The following RB1CC1 variants were observed in gnomAD, a reference collection of about 807,000 sequenced individuals.
RB1CC1 encodes the protein RB1-inducible coiled-coil protein 1.
Under a neutral mutation model 177.5 loss-of-function variants are expected in RB1CC1, and 46 were observed. That is an observed-to-expected ratio of 0.26 (90% CI 0.20 to 0.33). RB1CC1 has a LOEUF of 0.33. RB1CC1 is among the 10% of genes least tolerant of loss of function. The pLI, the probability that RB1CC1 is intolerant of heterozygous loss-of-function variation, is 1.00. For missense variants in RB1CC1, 1,703 were observed against 1,816.3 expected (o/e 0.94, Z 1.13); for synonymous variants, 666 against 613.6 (o/e 1.09, Z -1.26).
At chr8:52,681,960 C>G (rs1439377986) in intron 5 of RB1CC1, among the ~76,000 whole-genome samples, 1 of 152,218 alleles carries the variant, frequency 6.6e-6, no homozygotes, top group Non-Finnish European at 1.5e-5. Context: ...AGAGTCCCTA[C>G]TGGGGGCACT....
intron 22 of RB1CC1, among the ~76,000 whole-genome samples, chr8:52,626,804 T>C (rs1007373325): frequency 1.4e-4 from 3 of 21,510 alleles, no homozygotes; most frequent in South Asian, 2.6e-3. Flanking sequence ...ATAGCCATGA[T>C]GGAGTTGTCA....
intron 1 of RB1CC1, among the ~76,000 whole-genome samples, chr8:52,704,720 C>T (rs981531944): frequency 3.9e-5 from 6 of 152,194 alleles, no homozygotes; most frequent in African/African-American, 1.4e-4. Flanking sequence ...TGATCTAGAA[C>T]TAAAGTTATT....
At chr8:52,704,444 A>T (rs1856376188) in intron 1 of RB1CC1, among the ~76,000 whole-genome samples, 1 of 139,112 alleles carries the variant, frequency 7.2e-6, no homozygotes, top group Non-Finnish European at 1.6e-5. Flanking sequence ...GAATTCACAC[A>T]AAGGTGACAT....
intron 5 of RB1CC1, among the ~76,000 whole-genome samples, chr8:52,678,724 A>G (rs1853393855): frequency 6.6e-6 from 1 of 152,246 alleles, no homozygotes; most frequent in Non-Finnish European, 1.5e-5. Flanking sequence ...TTAGGTGAAA[A>G]GAAATATCTT....
chr8:52,639,790 G>A (rs1249142633), intron 18 of RB1CC1, among the ~76,000 whole-genome samples: 1 of 152,014 alleles, frequency 6.6e-6, no homozygotes, highest in Non-Finnish European at 1.5e-5. Flanking sequence ...TATTACTCTG[G>A]CATTCCTAAA....
chr8:52,697,965 C>T (rs1448063733), intron 1 of RB1CC1, among the ~76,000 whole-genome samples: 1 of 152,194 alleles, frequency 6.6e-6, no homozygotes. Context: ...AAAGCATACA[C>T]AAGACACTTT....
chr8:52,672,839 T>A (rs112929300), intron 7 of RB1CC1, among the ~76,000 whole-genome samples: 25 of 152,318 alleles, frequency 1.6e-4, no homozygotes, highest in East Asian at 7.7e-4. Flanking sequence ...GGCCACTACA[T>A]TGTCAATAGT....
At chr8:52,649,148 CTG>C (rs1035987337) in intron 15 of RB1CC1, among the ~76,000 whole-genome samples, 39 of 152,170 alleles carry the variant, frequency 2.6e-4, no homozygotes, top group African/African-American at 9.2e-4. Flanking sequence ...GAGGGAATGA[CTG>C]TATTTAATCT....
Position 52,685,370 on chromosome 8 carries a change from G to A in RB1CC1, c.71+29C>T, listed in dbSNP as rs764369011. ...AACTTTCTGCATGCAGACAGAATGC[G>A]AAAAAAAAATAAATGAAATACAACT... is the stretch of plus-strand genomic sequence containing the variant. On this transcript the variant is annotated intron_variant, in intron 3 of 23. Coordinates refer to ENST00000025008, the MANE Select transcript of RB1CC1 (RefSeq NM_014781.5). 6.2e-5 allele frequency: 90 copies of A among 1,453,336 alleles called. No individual in the cohort carries two copies. In the South Asian group the frequency reaches 7.7e-4, roughly 12 times the overall value. The allele number at this position is 1,453,336 out of a possible 1,614,324, so 90.0% of individuals were successfully genotyped here. A position where few individuals can be genotyped will look rare whatever the true frequency, so the allele number is the denominator to read the frequency against.
Position 52,642,878 on chromosome 8 carries a change from C to T in RB1CC1, c.3988-66G>A, listed in dbSNP as rs928580792. 6.5e-6 allele frequency: 9 copies of T among 1,379,852 alleles called. No individual in the cohort carries two copies. The African/African-American group carries it at 1.3e-4, about 20-fold the overall frequency. The allele number at this position is 1,379,852 out of a possible 1,614,324, so 85.5% of individuals were successfully genotyped here. A position where few individuals can be genotyped will look rare whatever the true frequency, so the allele number is the denominator to read the frequency against. On this transcript the variant is annotated intron_variant, in intron 16 of 23. Coordinates refer to ENST00000025008, the MANE Select transcript of RB1CC1 (RefSeq NM_014781.5). ...CTTAGCAGCTAGGACTTAGAAAATA[C>T]ACTTGCAAATATTCTTTTCTGTGGC...
At position 52,714,315 on chromosome 8, in the gene RB1CC1, G is replaced by T. The variant is rs867415018; in HGVS notation, c.-407C>A. The T allele has an allele frequency of 1.9e-5, 3 of 159,700 alleles. No individual in the cohort carries two copies. The highest frequency in any genetic ancestry group is 1.3e-4 in the South Asian group (1 of 7,418). The allele number at this position is 159,700 out of a possible 1,614,324, so 9.9% of individuals were successfully genotyped here. A position where few individuals can be genotyped will look rare whatever the true frequency, so the allele number is the denominator to read the frequency against. ...CTCGGCTCTGGGTCTGGGGCCGGGG[G>T]ACAGAAGGCCGCGGCCTGTCAGAGC... is the stretch of plus-strand genomic sequence containing the variant. On this transcript the variant is annotated 5_prime_UTR_variant, in exon 1 of 24. Coordinates refer to ENST00000025008, the MANE Select transcript of RB1CC1 (RefSeq NM_014781.5).
chr8:52,645,561 G>A (rs1415094733), intron 16 of RB1CC1, 141 bp downstream of exon 16: 3 of 890,854 alleles, frequency 3.4e-6, no homozygotes, highest in Non-Finnish European at 4.8e-6. Context: ...CTTTTGTCAA[G>A]AGGAAATTTA....
At chr8:52,640,787 T>G (rs1849508065) in intron 18 of RB1CC1, among the ~76,000 whole-genome samples, 1 of 152,226 alleles carries the variant, frequency 6.6e-6, no homozygotes, top group Non-Finnish European at 1.5e-5. Flanking sequence ...CTTTTTTGAA[T>G]TACTTTTTTT....
At chr8:52,713,923 G>A (rs1857277502) in intron 1 of RB1CC1, among the ~76,000 whole-genome samples, 152 bp downstream of exon 1, 1 of 152,000 alleles carries the variant, frequency 6.6e-6, no homozygotes. Flanking sequence ...GGCGGGAGGC[G>A]CCGGGGCCCT....
intron 15 of RB1CC1, among the ~76,000 whole-genome samples, chr8:52,646,314 AAAC>A (rs1177071466): frequency 6.6e-6 from 1 of 151,984 alleles, no homozygotes; most frequent in Non-Finnish European, 1.5e-5. Flanking sequence ...ACAAACAAAC[AAAC>A]AACAAAAAAA....
chr8:52,629,553 AG>A lies in RB1CC1; in HGVS notation c.4499+916del, dbSNP rs377391448. On this transcript the variant is annotated intron_variant, in intron 21 of 23. Transcript: ENST00000025008. Reference sequence around the variant, plus strand: ...ACCGGTTCAGGCCATGACAAAAGGCAGGGGTTGGACTTGCCTCATCATGTCC... The same window carrying A: ...ACCGGTTCAGGCCATGACAAAAGGCAGGGTTGGACTTGCCTCATCATGTCC... Among the ~76,000 whole-genome samples, 855 of 152,300 alleles carry A rather than the reference AG, an allele frequency of 5.6e-3. 6 individuals are homozygous for A. The highest frequency in any genetic ancestry group is 0.02 in the African/African-American group (820 of 41,576).
intron 21 of RB1CC1, among the ~76,000 whole-genome samples, chr8:52,629,017 G>A (rs965144777): frequency 1.3e-5 from 2 of 152,098 alleles, no homozygotes; most frequent in Non-Finnish European, 2.9e-5. Flanking sequence ...TGGGAAATGG[G>A]GCCTCTATGA....
chr8:52,665,733 T>G (rs1297914398), intron 8 of RB1CC1, among the ~76,000 whole-genome samples: 1 of 151,934 alleles, frequency 6.6e-6, no homozygotes, highest in African/African-American at 2.4e-5. Flanking sequence ...CCAGGCACAG[T>G]GAAAGGGCTA....
intron 1 of RB1CC1, among the ~76,000 whole-genome samples, chr8:52,713,771 C>A (rs1176070307): frequency 2.6e-5 from 4 of 152,254 alleles, no homozygotes; most frequent in Non-Finnish European, 5.9e-5. Context: ...TCCCAAGGCT[C>A]CGGCCGAGGA....
Sources: gnomAD v4.1 joint callset for allele counts (sites outside exome capture counted in the v4.1 genomes callset) on GRCh38, gnomAD v4.1.1 for gene constraint, MANE v1.5 for transcripts, NCBI Gene and HGNC (gene_info 2026-07-23, HGNC 2026-07-21) for gene names.